Variants in HS3ST5 observed in about 807,000 individuals in gnomAD.
The protein encoded by HS3ST5 is heparan sulfate-glucosamine 3-sulfotransferase 5.
In HS3ST5, 10 loss-of-function variants were observed where a neutral mutation model predicts 25.4. The observed-to-expected ratio is 0.39, with a 90% CI of 0.24 to 0.67. HS3ST5 has a LOEUF of 0.67. HS3ST5 is among the 30% of genes least tolerant of loss of function. HS3ST5 has a pLI of 0.44. For synonymous variants in HS3ST5, 170 were observed against 162.4 expected (o/e 1.05, Z -0.36); for missense variants, 324 against 420.7 (o/e 0.77, Z 2.01).
intron 1 of HS3ST5, among the ~76,000 whole-genome samples, chr6:114,229,923 A>T (rs1186293397): frequency 2.0e-5 from 3 of 152,202 alleles, no homozygotes; most frequent in Non-Finnish European, 4.4e-5. Context: ...TTTCCCTGAA[A>T]TTCTACCTGT....
At chr6:114,301,577 T>C (rs1775076234) in intron 1 of HS3ST5, among the ~76,000 whole-genome samples, 1 of 152,010 alleles carries the variant, frequency 6.6e-6, no homozygotes, top group African/African-American at 2.4e-5. Flanking sequence ...ATATTCTCCC[T>C]ATTGCATCAG....
chr6:114,142,275 C>T (rs959729885), intron 3 of HS3ST5, among the ~76,000 whole-genome samples: 3 of 152,062 alleles, frequency 2.0e-5, no homozygotes, highest in African/African-American at 4.8e-5. Context: ...TTGTAATGAA[C>T]GTTTAAAACA....
At chr6:114,067,580 G>A (rs1773530013) in intron 3 of HS3ST5, among the ~76,000 whole-genome samples, 1 of 152,124 alleles carries the variant, frequency 6.6e-6, no homozygotes, top group Admixed American at 6.6e-5. Flanking sequence ...AGATACTACT[G>A]CCAGCCTAGC....
intron 1 of HS3ST5, among the ~76,000 whole-genome samples, chr6:114,302,730 C>A (rs1158823004): frequency 6.6e-6 from 1 of 152,124 alleles, no homozygotes; most frequent in Non-Finnish European, 1.5e-5. Context: ...AGCATCCTTA[C>A]GGGACATCTT....
At chr6:114,163,022 T>C (rs1295463614) in intron 3 of HS3ST5, among the ~76,000 whole-genome samples, 1 of 152,210 alleles carries the variant, frequency 6.6e-6, no homozygotes, top group Non-Finnish European at 1.5e-5. Flanking sequence ...ATAAAAATAG[T>C]TGGCCATCAA....
At chr6:114,118,709 T>A (rs1776645287) in intron 3 of HS3ST5, among the ~76,000 whole-genome samples, 1 of 152,094 alleles carries the variant, frequency 6.6e-6, no homozygotes, top group African/African-American at 2.4e-5. Flanking sequence ...ATGTTTACAG[T>A]TCTTCTTTCT....
intron 4 of HS3ST5, among the ~76,000 whole-genome samples, chr6:114,061,884 G>A (rs1773136962): frequency 6.6e-6 from 1 of 152,140 alleles, no homozygotes; most frequent in South Asian, 2.1e-4. Flanking sequence ...GGAGGAGGAG[G>A]TTGCAGTGAG....
At chr6:114,208,629 CTG>C (rs1781381885) in intron 2 of HS3ST5, among the ~76,000 whole-genome samples, 1 of 152,162 alleles carries the variant, frequency 6.6e-6, no homozygotes, top group African/African-American at 2.4e-5. Flanking sequence ...CGTGTTGACT[CTG>C]AATCTGACTG....
chr6:114,177,566 A>G (rs1779782052), intron 2 of HS3ST5, among the ~76,000 whole-genome samples: 1 of 152,250 alleles, frequency 6.6e-6, no homozygotes, highest in Non-Finnish European at 1.5e-5. Context: ...GTATGATGGC[A>G]TATTATAGCA....
At chr6:114,322,141 C>G (rs1775994468) in intron 1 of HS3ST5, among the ~76,000 whole-genome samples, 1 of 152,094 alleles carries the variant, frequency 6.6e-6, no homozygotes, top group Non-Finnish European at 1.5e-5. Flanking sequence ...ATTTCTGTCA[C>G]AAAGTCAGAG....
At chr6:114,225,463 A>G (rs1288487043) in intron 2 of HS3ST5, among the ~76,000 whole-genome samples, 1 of 151,794 alleles carries the variant, frequency 6.6e-6, no homozygotes, top group East Asian at 1.9e-4. Context: ...TAAAAGTCTT[A>G]TTTTAGGATG....
intron 4 of HS3ST5, among the ~76,000 whole-genome samples, chr6:114,062,459 T>C (rs79782063): frequency 0.021 from 3,154 of 152,288 alleles, 52 homozygotes; most frequent in Non-Finnish European, 0.031. Context: ...CTGAGCTCTA[T>C]TAAATGACAT....
At chr6:114,154,708 G>C (rs527975901) in intron 3 of HS3ST5, among the ~76,000 whole-genome samples, 3 of 152,196 alleles carry the variant, frequency 2.0e-5, no homozygotes, top group Admixed American at 6.5e-5. Context: ...GAAGGCAGGA[G>C]GAGGGGCACA....
At chr6:114,095,728 T>G (rs1775389942) in intron 3 of HS3ST5, among the ~76,000 whole-genome samples, 1 of 152,096 alleles carries the variant, frequency 6.6e-6, no homozygotes, top group East Asian at 1.9e-4. Flanking sequence ...CCCCTCTAAT[T>G]TATCCTCACG....
chr6:114,240,941 G>A (rs1355664333), intron 1 of HS3ST5, among the ~76,000 whole-genome samples: 3 of 152,126 alleles, frequency 2.0e-5, no homozygotes, highest in Non-Finnish European at 4.4e-5. Context: ...AAGGAACAAT[G>A]AAGCATGAGG....
At chr6:114,245,500 C>T (rs1772335947) in intron 1 of HS3ST5, among the ~76,000 whole-genome samples, 1 of 151,946 alleles carries the variant, frequency 6.6e-6, no homozygotes, top group Non-Finnish European at 1.5e-5. Flanking sequence ...CACTGGAACA[C>T]CAGAGGTGAG....
intron 2 of HS3ST5, chr6:114,178,561 G>C (rs1314660043): frequency 1.3e-5 from 2 of 152,198 alleles, no homozygotes; most frequent in African/African-American, 4.8e-5. Context: ...AAGAAAACGA[G>C]TGTGCAACTG....
intron 3 of HS3ST5, among the ~76,000 whole-genome samples, chr6:114,077,226 A>G (rs1014737609): frequency 3.9e-5 from 6 of 152,204 alleles, no homozygotes; most frequent in Non-Finnish European, 7.3e-5. Flanking sequence ...AAAAGGAGCC[A>G]GTTAATTCTG....
At chr6:114,070,091 C>A (rs770572244) in intron 3 of HS3ST5, among the ~76,000 whole-genome samples, 7 of 152,020 alleles carry the variant, frequency 4.6e-5, no homozygotes, top group Non-Finnish European at 8.8e-5. Context: ...TATCCCTCAT[C>A]CCCTCCCAAC....
Sources: allele counts gnomAD v4.1 joint callset (sites outside exome capture counted in the v4.1 genomes callset), GRCh38; gene constraint gnomAD v4.1.1; transcripts MANE v1.5; gene names NCBI Gene and HGNC (gene_info 2026-07-23, HGNC 2026-07-21).